WDR91: variants seen among roughly 807,000 people sequenced by gnomAD.
The protein encoded by WDR91 is WD repeat domain 91.
WDR91 carries 52 observed loss-of-function variants against 88.4 expected under a neutral mutation model. The observed-to-expected ratio is 0.59, with a 90% CI of 0.47 to 0.74. The LOEUF (loss-of-function observed/expected upper bound fraction) is 0.74, where lower values mean the gene tolerates loss of function less well. WDR91 is among the 30% of genes least tolerant of loss of function. The pLI is 0.00. For missense variants in WDR91, 824 were observed against 954.5 expected, an observed-to-expected ratio of 0.86 and a Z score of 1.80; for synonymous variants, 362 against 389.5, an observed-to-expected ratio of 0.93 and a Z score of 0.83.
At chr7:135,207,408 C>G in intron 3 of WDR91, 1 of 568,296 alleles carries the variant, frequency 1.8e-6, no homozygotes, top group Non-Finnish European at 3.4e-6. Flanking sequence ...TCATTTCATT[C>G]GGACAGATTC....
At position 135,204,276 on chromosome 7, in the gene WDR91, C is replaced by G; in HGVS notation, c.883G>C (p.Gly295Arg). ...GCAGGACTTGTGCTTACCTGACCAC[C>G]GAAGGACTCTTTCTTGGCCGAGCTC... ...PQSSAKKESF[G>R]GQGTKGKDPT... The change falls in exon 6 of 15, where the codon GGT (glycine) becomes CGT (arginine). Residue 295 changes from glycine (G) to arginine (R), a missense_variant. By Grantham distance (125) the Gly-to-Arg change is moderately radical. Transcript: ENST00000354475. 6.2e-7 allele frequency: 1 copy of G among 1,613,930 alleles called. No individual in the cohort carries two copies. The highest frequency in any genetic ancestry group is 8.5e-7 in the Non-Finnish European group (1 of 1,179,938).
chr7:135,189,896 C>A (rs770844594), intron 11 of WDR91, among the ~76,000 whole-genome samples: 1 of 152,178 alleles, frequency 6.6e-6, no homozygotes. Flanking sequence ...AACAAAACCA[C>A]CTCATAGAAC....
intron 6 of WDR91, among the ~76,000 whole-genome samples, chr7:135,200,512 C>T (rs931540057): frequency 6.6e-6 from 1 of 152,170 alleles, no homozygotes; most frequent in Non-Finnish European, 1.5e-5. Flanking sequence ...ATCTTTGTAA[C>T]CTTAGCACCC....
rs147463212 is a variant in WDR91 at position 135,211,402 on chromosome 7, G to A, written c.101C>T (p.Ala34Val). 37 of 1,611,530 alleles carry A rather than the reference G, an allele frequency of 2.3e-5. No individual in the cohort carries two copies. Among genetic ancestry groups the A allele is most frequent in the Non-Finnish European group, 3.1e-5 (37 of 1,179,034 alleles). ...TLRQLDAEIK[A>V]DKEKGFRVDK... Reference sequence around the variant, plus strand: ...CACCCGGAACCCCTTCTCCTTGTCCGCCTTGATCTCGGCGTCCAGCTGCCG... The same window carrying A: ...CACCCGGAACCCCTTCTCCTTGTCCACCTTGATCTCGGCGTCCAGCTGCCG... The change falls in exon 1 of 15, where the codon GCG becomes GTG. Residue 34 changes from alanine to valine, a missense_variant. By Grantham distance (64) the Ala-to-Val change is moderately conservative (BLOSUM62 0). Transcript: ENST00000354475.
chr7:135,205,887 C>T, intron 5 of WDR91, 41 bp downstream of exon 5: 2 of 1,611,228 alleles, frequency 1.2e-6, no homozygotes, highest in Non-Finnish European at 1.7e-6. Flanking sequence ...GCTGAGAGCA[C>T]AGAGGGCAAA....
chr7:135,185,995 C>T lies in WDR91; in HGVS notation c.*156G>A. 3 of 842,550 alleles carry T rather than the reference C, an allele frequency of 3.6e-6. No individual in the cohort carries two copies. Among genetic ancestry groups the T allele is most frequent in the Non-Finnish European group, 5.2e-6 (3 of 580,544 alleles). The allele number at this position is 842,550 out of a possible 1,614,324, so 52.2% of individuals were successfully genotyped here. A position where few individuals can be genotyped will look rare whatever the true frequency, so the allele number is the denominator to read the frequency against. The stretch of plus-strand genomic sequence containing the variant: ...TCCACGTGGGTCCCATTCCAGTCAC[C>T]ACAGATGGAAGCACCTGAGCCTCCT... On this transcript the variant is annotated 3_prime_UTR_variant, in exon 15 of 15. Transcript: ENST00000354475.
intron 7 of WDR91, chr7:135,197,083 C>G (rs1367296251): frequency 6.6e-6 from 1 of 152,202 alleles, no homozygotes; most frequent in African/African-American, 2.4e-5. Context: ...CCAGGGCACT[C>G]TCTACCAGCC....
At chr7:135,202,837 T>C (rs2117693807) in intron 6 of WDR91, among the ~76,000 whole-genome samples, 1 of 152,222 alleles carries the variant, frequency 6.6e-6, no homozygotes, top group Non-Finnish European at 1.5e-5. Flanking sequence ...TTCAGAAAAA[T>C]ATTCATAGGA....
Position 135,196,485 on chromosome 7 carries a change from T to A in WDR91, c.1051-148A>T. ...AGAGGAGAGCTCTGACCTGCGAGGG[T>A]AGTGCTCAGCTCACCCTGGGAGAGT... On this transcript the variant is annotated intron_variant, in intron 7 of 14. Coordinates refer to ENST00000354475, the MANE Select transcript of WDR91 (RefSeq NM_014149.4). This position sits in a 1 kb window ranked among gnomAD's most constrained non-coding sequence, Gnocchi z 4.2. 2 of 741,284 alleles carry A rather than the reference T, an allele frequency of 2.7e-6. No individual in the cohort carries two copies. The highest frequency in any genetic ancestry group is 4.1e-4 in the Middle Eastern group (1 of 2,420). The allele number at this position is 741,284 out of a possible 1,614,324, so 45.9% of individuals were successfully genotyped here.
rs1418086902 is a variant in WDR91 at position 135,193,675 on chromosome 7, G to A, written c.1396-3C>T. 3.1e-6 allele frequency: 5 copies of A among 1,613,566 alleles called. No individual in the cohort carries two copies. In the Admixed American group the frequency reaches 6.7e-5, roughly 22 times the overall value. On this transcript the variant is annotated splice_region_variant and splice_polypyrimidine_tract_variant and intron_variant, in intron 9 of 14. Transcript: ENST00000354475. ...CCCACACCACTGCCCAGCAAGAGCT[G>A]GAATGACAAGGGGCGGGAGGTGGGA... is the stretch of plus-strand genomic sequence containing the variant.
rs1256619354 is a variant in WDR91, at chr7:135,184,338, G to A, written c.*1813C>T. 6.6e-6 allele frequency: 1 copy of A among 152,168 alleles called. No individual in the cohort carries two copies. Among genetic ancestry groups the A allele is most frequent in the Non-Finnish European group, 1.5e-5 (1 of 68,048 alleles). The allele number at this position is 152,168 out of a possible 1,614,324, so 9.4% of individuals were successfully genotyped here. A position where few individuals can be genotyped will look rare whatever the true frequency, so the allele number is the denominator to read the frequency against. On this transcript the variant is annotated 3_prime_UTR_variant, in exon 15 of 15. Coordinates refer to ENST00000354475, the MANE Select transcript of WDR91 (RefSeq NM_014149.4). ...CTTTTCCTCAAGCAGGTAACTAGGA[G>A]TATCCCTACTCCAGCCTTGTGCCCC...
In WDR91 at chr7:135,193,644, A is replaced by G. The variant is rs1246776480; in HGVS notation, c.1424T>C (p.Val475Ala). 11 of 1,614,082 alleles carry G rather than the reference A, an allele frequency of 6.8e-6. No individual in the cohort carries two copies. Among genetic ancestry groups the G allele is most frequent in the Non-Finnish European group, 9.3e-6 (11 of 1,179,994 alleles). Residue 475 changes from valine (V) to alanine (A), a missense_variant, in exon 10 of 15, where the codon GTG becomes GCG. Transcript: ENST00000354475. ...LLLLGSGVGT[V>A]RLYDTEAKKN... Reference sequence around the variant, plus strand: ...CTTGGCTTCCGTGTCATAGAGACGCACTGTTCCCACACCACTGCCCAGCAA... The same window carrying G: ...CTTGGCTTCCGTGTCATAGAGACGCGCTGTTCCCACACCACTGCCCAGCAA...
chr7:135,195,750 C>T (rs980942762), intron 8 of WDR91, among the ~76,000 whole-genome samples: 14 of 152,118 alleles, frequency 9.2e-5, no homozygotes, highest in Admixed American at 7.9e-4. Flanking sequence ...AGTTCAAGAC[C>T]AGCCTGGCCA....
Position 135,195,015 on chromosome 7 carries a change from G to A in WDR91, c.1314C>T (p.Asn438=). The change falls in exon 9 of 15, where the codon AAC becomes AAT. Residue 438 remains asparagine, a synonymous_variant. Transcript: ENST00000354475. The part of the protein sequence containing the change: ...VDGVIKVWSF[N]PIMQTKASSI... ...AGGATGCTTTGGTCTGCATGATGGGGTTGAAGGACCACACTTTGATGACCC... is the reference window on the plus strand; with the variant it reads ...AGGATGCTTTGGTCTGCATGATGGGATTGAAGGACCACACTTTGATGACCC... 1 of 1,614,128 alleles carries A rather than the reference G, an allele frequency of 6.2e-7. No individual in the cohort carries two copies. Among genetic ancestry groups the A allele is most frequent in the Non-Finnish European group, 8.5e-7 (1 of 1,180,032 alleles).
At chr7:135,197,843 A>G in intron 7 of WDR91, 150 bp downstream of exon 7, 3 of 999,668 alleles carry the variant, frequency 3.0e-6, no homozygotes, top group African/African-American at 1.6e-5. Context: ...GATGAACCCA[A>G]ATAACCAAAA....
intron 6 of WDR91, among the ~76,000 whole-genome samples, chr7:135,200,804 C>T (rs1216463533): frequency 2.6e-5 from 4 of 152,130 alleles, no homozygotes; most frequent in African/African-American, 9.7e-5. Flanking sequence ...TAAGTTGATA[C>T]CCATTAATTT....
chr7:135,195,261 T>C (rs1010263776), intron 8 of WDR91, among the ~76,000 whole-genome samples, 177 bp from the exon 9 acceptor site: 3 of 152,268 alleles, frequency 2.0e-5, no homozygotes, highest in Non-Finnish European at 4.4e-5. Context: ...CATTCGTTTG[T>C]CTAAGAAATA....
intron 13 of WDR91, among the ~76,000 whole-genome samples, chr7:135,187,544 A>AT (rs1830997223): frequency 6.6e-6 from 1 of 152,008 alleles, no homozygotes; most frequent in East Asian, 1.9e-4. Context: ...TTCAAGTGAC[A>AT]TATTATTATT....
intron 1 of WDR91, chr7:135,210,997 C>T: frequency 1.5e-6 from 1 of 681,348 alleles, no homozygotes. Flanking sequence ...GGACTGCAGA[C>T]TTCTTTGCTT....
Sources: gnomAD v4.1 joint callset for allele counts (sites outside exome capture counted in the v4.1 genomes callset) on GRCh38, gnomAD v4.1.1 for gene constraint, Gnocchi (gnomAD v3.1) non-coding constraint, MANE v1.5 for transcripts, NCBI Gene and HGNC (gene_info 2026-07-23, HGNC 2026-07-21) for gene names.